The following RGL1 variants were observed in gnomAD, a reference collection of about 807,000 sequenced individuals.
The protein encoded by RGL1 is ral guanine nucleotide dissociation stimulator like 1, also known as ral guanine nucleotide dissociation stimulator-like 1.
RGL1 carries 24 observed loss-of-function variants against 95.2 expected under a neutral mutation model. The observed-to-expected ratio is 0.25, with a 90% CI of 0.18 to 0.35. RGL1 has a LOEUF of 0.35. Ranked by LOEUF, RGL1 falls within the 10% of genes least tolerant of loss-of-function variation. The pLI is 1.00. For missense variants in RGL1, 715 were observed against 936.3 expected (o/e 0.76, Z 3.08); for synonymous variants, 329 against 344.9 (o/e 0.95, Z 0.51).
chr1:183,691,619 G>A (rs1014818627), intron 1 of RGL1, among the ~76,000 whole-genome samples: 4 of 152,138 alleles, frequency 2.6e-5, no homozygotes, highest in Non-Finnish European at 5.9e-5. Flanking sequence ...CTATCTTTAG[G>A]AGAGTAATTA....
At chr1:183,752,484 C>G (rs1266292102) in intron 2 of RGL1, among the ~76,000 whole-genome samples, 1 of 152,118 alleles carries the variant, frequency 6.6e-6, no homozygotes, top group Non-Finnish European at 1.5e-5. Flanking sequence ...CTCGGCCTCC[C>G]AAAGTGCTGG....
intron 2 of RGL1, among the ~76,000 whole-genome samples, chr1:183,780,036 G>A (rs1249337070): frequency 1.3e-5 from 2 of 152,256 alleles, no homozygotes; most frequent in South Asian, 2.1e-4. Flanking sequence ...AATACTTAGT[G>A]AGATATAAAG....
chr1:183,897,547 T>TC (rs1438669227), intron 9 of RGL1, among the ~76,000 whole-genome samples: 3 of 143,098 alleles, frequency 2.1e-5, no homozygotes, highest in African/African-American at 8.1e-5. Context: ...AGACTTCGTC[T>TC]CAAAAAAAAA....
At chr1:183,666,005 C>CTTT (rs746295660) in intron 1 of RGL1, among the ~76,000 whole-genome samples, 4 of 130,704 alleles carry the variant, frequency 3.1e-5, no homozygotes, top group African/African-American at 1.1e-4. Flanking sequence ...TTCTTTTTTT[C>CTTT]TTTTTTTTTT....
At chr1:183,711,820 A>G (rs982906609) in intron 1 of RGL1, among the ~76,000 whole-genome samples, 3 of 152,180 alleles carry the variant, frequency 2.0e-5, no homozygotes, top group Non-Finnish European at 4.4e-5. Context: ...AGAAGAAGAC[A>G]TTCACAGTTA....
At chr1:183,643,755 T>C (rs12041570) in intron 1 of RGL1, among the ~76,000 whole-genome samples, 12,425 of 152,114 alleles carry the variant, frequency 0.082, 999 homozygotes, top group African/African-American at 0.21. Flanking sequence ...TTGGCCAAGA[T>C]CTTGATTTTA....
At chr1:183,839,001 A>G (rs1663853182) in intron 2 of RGL1, among the ~76,000 whole-genome samples, 1 of 152,132 alleles carries the variant, frequency 6.6e-6, no homozygotes, top group Non-Finnish European at 1.5e-5. Context: ...GAAGGTACAT[A>G]TGTCAGCACA....
intron 1 of RGL1, among the ~76,000 whole-genome samples, chr1:183,712,216 GGGCTGACTGGCATGT>G (rs1655327288): frequency 6.6e-6 from 1 of 152,204 alleles, no homozygotes; most frequent in South Asian, 2.1e-4. Context: ...AGTTTAAGAA[GGGCTGACTGGCATGT>G]GGTTTTTATT....
intron 3 of RGL1, among the ~76,000 whole-genome samples, chr1:183,854,695 A>G (rs1323430401): frequency 1.3e-5 from 2 of 152,164 alleles, no homozygotes; most frequent in Admixed American, 1.3e-4. Flanking sequence ...TAAGGCATAT[A>G]GTATAATGGT....
At chr1:183,700,134 A>G (rs555195356) in intron 1 of RGL1, among the ~76,000 whole-genome samples, 1 of 152,172 alleles carries the variant, frequency 6.6e-6, no homozygotes, top group Non-Finnish European at 1.5e-5. Context: ...ACCTGCTCAG[A>G]CCTGACAAAG....
At chr1:183,762,832 C>T (rs1042541649) in intron 2 of RGL1, among the ~76,000 whole-genome samples, 9 of 152,136 alleles carry the variant, frequency 5.9e-5, no homozygotes, top group Admixed American at 5.9e-4. Context: ...GACAGTATGG[C>T]AATTCCTCAA....
At chr1:183,646,287 T>G (rs1650285789) in intron 1 of RGL1, 1 of 152,196 alleles carries the variant, frequency 6.6e-6, no homozygotes, top group African/African-American at 2.4e-5. Context: ...TGTTTTAAAA[T>G]TTTTATTCAT....
At chr1:183,728,828 C>T (rs887454628) in intron 1 of RGL1, among the ~76,000 whole-genome samples, 48 of 152,116 alleles carry the variant, frequency 3.2e-4, no homozygotes, top group African/African-American at 1.1e-3. Flanking sequence ...CAGAAATAGA[C>T]GAGCATGTGT....
At chr1:183,758,060 ATCT>A (rs1658450286) in intron 2 of RGL1, among the ~76,000 whole-genome samples, 2 of 152,286 alleles carry the variant, frequency 1.3e-5, no homozygotes, top group African/African-American at 4.8e-5. Context: ...TTGAGTCATA[ATCT>A]TCTTCCATTC....
At chr1:183,920,802 G>A (rs140279598) in intron 16 of RGL1, among the ~76,000 whole-genome samples, 38 of 152,316 alleles carry the variant, frequency 2.5e-4, no homozygotes, top group African/African-American at 8.4e-4. Flanking sequence ...TAACAGACAC[G>A]TGAACAAGAT....
At chr1:183,905,060 C>A in intron 13 of RGL1, 89 bp downstream of exon 13, 2 of 1,481,348 alleles carry the variant, frequency 1.4e-6, no homozygotes, top group East Asian at 2.4e-5. Flanking sequence ...ATTTATTCAA[C>A]AACTATTTAG....
At chr1:183,824,776 C>T (rs994298126) in intron 2 of RGL1, among the ~76,000 whole-genome samples, 9 of 152,146 alleles carry the variant, frequency 5.9e-5, no homozygotes, top group Non-Finnish European at 1.0e-4. Flanking sequence ...TGCTTTCTTT[C>T]ATTGCATATT....
intron 2 of RGL1, chr1:183,742,305 A>G (rs1273742226): frequency 6.2e-7 from 1 of 1,613,788 alleles, no homozygotes; most frequent in East Asian, 2.2e-5. Context: ...ATGACTCTAA[A>G]TGACACAGTT....
chr1:183,874,577 A>C lies in RGL1; in HGVS notation c.426-6039A>C, dbSNP rs377572311. Among the ~76,000 whole-genome samples the C allele has an allele frequency of 2.0e-5, 3 of 151,532 alleles. No homozygotes were observed. The East Asian group carries it at 5.8e-4, about 29-fold the overall frequency. On this transcript the variant is annotated intron_variant, in intron 4 of 17. Transcript: ENST00000360851. ...TTGCCCTTGCCTTCTTAGTGCTTAA[A>C]TCTGACTCTGGCTTTGTTGGCATTA...
Sources: gnomAD v4.1 joint callset for allele counts (sites outside exome capture counted in the v4.1 genomes callset) on GRCh38, gnomAD v4.1.1 for gene constraint, MANE v1.5 for transcripts, NCBI Gene and HGNC (gene_info 2026-07-23, HGNC 2026-07-21) for gene names.